LUZP2: variants seen among roughly 807,000 people sequenced by gnomAD.
LUZP2 encodes the protein leucine zipper protein 2.
LUZP2 carries 52 observed loss-of-function variants against 51.6 expected under a neutral mutation model. The observed-to-expected ratio is 1.01, with a 90% CI of 0.81 to 1.27. The LOEUF (loss-of-function observed/expected upper bound fraction) is 1.27, where lower values mean the gene tolerates loss of function less well. Ranked by LOEUF, LUZP2 falls within the 50% of genes most tolerant of loss-of-function variation. The pLI is 0.00. For synonymous variants in LUZP2, 154 were observed against 137.3 expected, an observed-to-expected ratio of 1.12 and a Z score of -0.85; for missense variants, 436 against 395.4, an observed-to-expected ratio of 1.10 and a Z score of -0.87.
At chr11:24,928,344 CTTGTTT>C in intron 7 of LUZP2, among the ~76,000 whole-genome samples, 1 of 151,812 alleles carries the variant, frequency 6.6e-6, no homozygotes, top group Non-Finnish European at 1.5e-5. Flanking sequence ...TCAACTTCTC[CTTGTTT>C]AGTACTGTGT....
chr11:24,706,192 AATAATGAAGATG>A (rs1857576754), intron 1 of LUZP2, among the ~76,000 whole-genome samples: 1 of 152,212 alleles, frequency 6.6e-6, no homozygotes, highest in African/African-American at 2.4e-5. Flanking sequence ...AGAAGAAGAT[AATAATGAAGATG>A]ATAATTTCCA....
chr11:24,732,981 T>C (rs73440911), intron 3 of LUZP2, among the ~76,000 whole-genome samples: 9,593 of 151,732 alleles, frequency 0.063, 910 homozygotes, highest in African/African-American at 0.21. Flanking sequence ...ACCCTACAGC[T>C]CCACCTTACC....
chr11:24,947,477 G>A (rs1854931451), intron 7 of LUZP2, among the ~76,000 whole-genome samples: 1 of 151,902 alleles, frequency 6.6e-6, no homozygotes, highest in Non-Finnish European at 1.5e-5. Flanking sequence ...AACCAATGTT[G>A]TTCAAGTGTT....
intron 7 of LUZP2, among the ~76,000 whole-genome samples, chr11:24,939,003 C>T (rs1565135673): frequency 6.6e-6 from 1 of 152,090 alleles, no homozygotes; most frequent in East Asian, 1.9e-4. Context: ...ATGGTCTAGC[C>T]ACACTTTAAA....
intron 1 of LUZP2, among the ~76,000 whole-genome samples, chr11:24,602,387 T>TACACACACACAC (rs71041785): frequency 4.2e-4 from 54 of 129,522 alleles, no homozygotes; most frequent in African/African-American, 1.3e-3. Context: ...TATATATATA[T>TACACACACACAC]ACACACACAC....
intron 1 of LUZP2, among the ~76,000 whole-genome samples, chr11:24,549,757 T>G (rs1362603979): frequency 1.3e-5 from 2 of 152,080 alleles, no homozygotes; most frequent in Admixed American, 1.3e-4. Flanking sequence ...GTCATTTTGT[T>G]GTGAATGACT....
intron 1 of LUZP2, among the ~76,000 whole-genome samples, chr11:24,533,407 C>A (rs1851074597): frequency 6.6e-6 from 1 of 151,330 alleles, no homozygotes; most frequent in Non-Finnish European, 1.5e-5. Context: ...TTTTCATATT[C>A]ATTTATTTAT....
intron 1 of LUZP2, among the ~76,000 whole-genome samples, chr11:24,635,279 G>T (rs4923201): frequency 0.12 from 18,222 of 151,928 alleles, 1,377 homozygotes; most frequent in East Asian, 0.28. Context: ...TTTATAATTT[G>T]TATAGGAGCA....
At position 24,933,049 on chromosome 11, in the gene LUZP2, C is replaced by G. The variant is rs1024010626; in HGVS notation, c.522+18511C>G. 4.6e-5 allele frequency among the ~76,000 whole-genome samples: 7 copies of G among 152,294 alleles called. No homozygotes were observed. In the South Asian group the frequency reaches 1.4e-3, roughly 32 times the overall value. On this transcript the variant is annotated intron_variant, in intron 7 of 11. Transcript: ENST00000336930. ...TCAGCTCACTAAATTTGTCTCAGCTCCAGATAAGGTCAAATCATTCTCCCA... is the reference window on the plus strand; with the variant it reads ...TCAGCTCACTAAATTTGTCTCAGCTGCAGATAAGGTCAAATCATTCTCCCA...
At chr11:24,865,724 ATATG>A (rs1468652863) in intron 5 of LUZP2, among the ~76,000 whole-genome samples, 105 of 136,262 alleles carry the variant, frequency 7.7e-4, no homozygotes, top group East Asian at 2.7e-3. Context: ...ATATATATAT[ATATG>A]TGTGTGTGTG....
At chr11:24,818,078 GCAA>G (rs1304372409) in intron 5 of LUZP2, among the ~76,000 whole-genome samples, 1 of 152,008 alleles carries the variant, frequency 6.6e-6, no homozygotes, top group Middle Eastern at 3.2e-3. Context: ...TTGAGTTGCA[GCAA>G]CTTGATTTTT....
intron 5 of LUZP2, among the ~76,000 whole-genome samples, chr11:24,800,790 G>A (rs181800525): frequency 2.4e-4 from 36 of 152,088 alleles, no homozygotes; most frequent in East Asian, 2.1e-3. Context: ...AAAGATAAAC[G>A]AACTCCTCCT....
At chr11:24,732,028 G>A in intron 2 of LUZP2, 90 bp from the exon 3 acceptor site, 1 of 858,716 alleles carries the variant, frequency 1.2e-6, no homozygotes, top group South Asian at 1.6e-5. Flanking sequence ...GGGCATATGT[G>A]CAGTCCTATC....
chr11:24,729,700 A>G (rs1858641883), intron 2 of LUZP2, among the ~76,000 whole-genome samples: 1 of 151,996 alleles, frequency 6.6e-6, no homozygotes, highest in South Asian at 2.1e-4. Flanking sequence ...TGCCTTTAAA[A>G]GGCAAGTGGC....
intron 1 of LUZP2, among the ~76,000 whole-genome samples, chr11:24,708,558 G>A (rs1857691659): frequency 6.6e-6 from 1 of 152,154 alleles, no homozygotes; most frequent in South Asian, 2.1e-4. Context: ...ACTAGGCACA[G>A]CGAGTATAGT....
intron 1 of LUZP2, among the ~76,000 whole-genome samples, chr11:24,530,762 C>CTTTTTTTTTTTTTTTTT (rs367857815): frequency 4.0e-5 from 3 of 75,386 alleles, no homozygotes; most frequent in Non-Finnish European, 5.4e-5. Context: ...CTTCTTCTTA[C>CTTTTTTTTTTTTTTTTT]TTTTTTTTTT....
chr11:25,034,445 TG>T (rs1268829643), intron 9 of LUZP2, among the ~76,000 whole-genome samples: 1 of 152,164 alleles, frequency 6.6e-6, no homozygotes, highest in Non-Finnish European at 1.5e-5. Flanking sequence ...TTGTCTTTTT[TG>T]TTGTTGTTGC....
At chr11:24,929,118 C>T (rs1037347426) in intron 7 of LUZP2, among the ~76,000 whole-genome samples, 2 of 151,806 alleles carry the variant, frequency 1.3e-5, no homozygotes, top group Non-Finnish European at 1.5e-5. Flanking sequence ...TTTGGATTGT[C>T]TCTTCTTGGT....
intron 9 of LUZP2, among the ~76,000 whole-genome samples, chr11:25,025,259 CCAAAAGCTATGGCAA>C (rs1306348589): frequency 6.6e-6 from 1 of 151,996 alleles, no homozygotes; most frequent in Non-Finnish European, 1.5e-5. Context: ...GTCTAAAACA[CCAAAAGCTATGGCAA>C]CAAAAGCCAA....
Sources: gnomAD v4.1 joint callset for allele counts (sites outside exome capture counted in the v4.1 genomes callset) on GRCh38, gnomAD v4.1.1 for gene constraint, MANE v1.5 for transcripts, NCBI Gene and HGNC (gene_info 2026-07-23, HGNC 2026-07-21) for gene names.